Variants in RAI14 observed in about 807,000 individuals in gnomAD.
RAI14 encodes retinoic acid induced 14, also known as ankycorbin.
RAI14 carries 45 observed loss-of-function variants against 115.4 expected under a neutral mutation model. The observed-to-expected ratio is 0.39, with a 90% CI of 0.31 to 0.50. RAI14 has a LOEUF of 0.50. Among genes scored for constraint, RAI14 ranks in the 20% least tolerant of loss-of-function variants. RAI14 has a pLI of 0.85. For missense variants in RAI14, 939 were observed against 1,131.2 expected (o/e 0.83, Z 2.44); for synonymous variants, 371 against 415.4 (o/e 0.89, Z 1.30).
chr5:34,807,679 G>A lies in RAI14; in HGVS notation c.322-121G>A, dbSNP rs1580328163. The A allele has an allele frequency of 5.1e-6, 4 of 784,410 alleles. No individual in the cohort carries two copies. In the East Asian group the frequency reaches 1.0e-4, roughly 20 times the overall value. 48.6% of individuals were successfully genotyped at this position (784,410 alleles called of 1,614,324 possible). A position where few individuals can be genotyped will look rare whatever the true frequency, so the allele number is the denominator to read the frequency against. On this transcript the variant is annotated intron_variant, in intron 5 of 17. Coordinates refer to ENST00000265109, the MANE Select transcript of RAI14 (RefSeq NM_015577.3). ...TAGGCCCCTGGAACACAGCAGCTGGGGCTTATTTATGTTAATAGTCTTCCT... is the reference window on the plus strand; with the variant it reads ...TAGGCCCCTGGAACACAGCAGCTGGAGCTTATTTATGTTAATAGTCTTCCT...
chr5:34,711,339 G>A lies in RAI14; in HGVS notation c.36+24384G>A, dbSNP rs965184916. Among the ~76,000 whole-genome samples the A allele has an allele frequency of 2.0e-5, 3 of 151,582 alleles. No homozygotes were observed. The East Asian group carries it at 5.8e-4, about 29-fold the overall frequency. ...TGGATCTCACAAAGTACATTCTCAA[G>A]GGTGGGGAGAATTACAGAGAACCTT... On this transcript the variant is annotated intron_variant, in intron 2 of 17. Transcript: ENST00000265109.
intron 2 of RAI14, chr5:34,728,532 A>G (rs1013144796): frequency 1.3e-5 from 2 of 151,902 alleles, no homozygotes; most frequent in African/African-American, 4.8e-5. Context: ...GTCACACAAG[A>G]TCTCATGGTT....
chr5:34,688,233 A>G (rs540891144), intron 2 of RAI14: 1 of 1,551,202 alleles, frequency 6.4e-7, no homozygotes, highest in Non-Finnish European at 8.7e-7. Context: ...CGTGGCTTTC[A>G]GCTAAGGAGA....
intron 3 of RAI14, among the ~76,000 whole-genome samples, chr5:34,787,430 C>T (rs1752429364): frequency 6.6e-6 from 1 of 152,188 alleles, no homozygotes; most frequent in South Asian, 2.1e-4. Context: ...AGTACTAATG[C>T]ATACTGCAAC....
intron 1 of RAI14, among the ~76,000 whole-genome samples, chr5:34,672,775 C>T (rs1743707102): frequency 2.0e-5 from 3 of 152,246 alleles, no homozygotes; most frequent in African/African-American, 7.2e-5. Context: ...CAAGGATTAA[C>T]TGCTATTCAT....
intron 3 of RAI14, among the ~76,000 whole-genome samples, chr5:34,773,737 T>C (rs1750483762): frequency 6.6e-6 from 1 of 152,080 alleles, no homozygotes; most frequent in African/African-American, 2.4e-5. Context: ...ATGACTATTA[T>C]TACAAAGGAA....
chr5:34,790,637 G>T (rs1752806943), intron 3 of RAI14, among the ~76,000 whole-genome samples: 1 of 151,664 alleles, frequency 6.6e-6, no homozygotes, highest in Non-Finnish European at 1.5e-5. Flanking sequence ...TTTCTAGATA[G>T]TTATTCTTTC....
intron 1 of RAI14, among the ~76,000 whole-genome samples, chr5:34,665,017 A>G (rs1169552827): frequency 4.2e-4 from 17 of 40,526 alleles, no homozygotes; most frequent in Admixed American, 9.3e-4. Flanking sequence ...ATATATATAT[A>G]TGTGTATATA....
At chr5:34,688,344 T>G in intron 2 of RAI14, 2 of 1,246,006 alleles carry the variant, frequency 1.6e-6, no homozygotes, top group Non-Finnish European at 1.1e-6. Context: ...CAAGGGAATC[T>G]AGGTAGCTTT....
chr5:34,688,089 G>A lies in RAI14; in HGVS notation c.36+1134G>A, dbSNP rs542732262. Reference sequence around the variant, plus strand: ...TTAGGTAAATTAAATAAAACTCATAGAGTGCAAAGAGACTTCGACAAAGAC... The same window carrying A: ...TTAGGTAAATTAAATAAAACTCATAAAGTGCAAAGAGACTTCGACAAAGAC... On this transcript the variant is annotated intron_variant, in intron 2 of 17. Transcript: ENST00000265109. 1.2e-4 allele frequency: 170 copies of A among 1,452,650 alleles called. No homozygotes were observed. The African/African-American group carries it at 2.4e-3, about 20-fold the overall frequency. The allele number at this position is 1,452,650 out of a possible 1,614,324, so 90.0% of individuals were successfully genotyped here.
At chr5:34,776,140 G>A (rs1750808125) in intron 3 of RAI14, among the ~76,000 whole-genome samples, 1 of 152,172 alleles carries the variant, frequency 6.6e-6, no homozygotes, top group South Asian at 2.1e-4. Context: ...GGAACTGGAG[G>A]TCATTATGTT....
intron 1 of RAI14, among the ~76,000 whole-genome samples, chr5:34,670,192 A>T (rs1277991811): frequency 1.3e-5 from 2 of 152,144 alleles, no homozygotes; most frequent in East Asian, 3.9e-4. Context: ...AGGCAACTGA[A>T]TTTTTTCTAT....
chr5:34,817,310 A>C (rs1051776057), intron 12 of RAI14, among the ~76,000 whole-genome samples: 1 of 151,178 alleles, frequency 6.6e-6, no homozygotes, highest in Non-Finnish European at 1.5e-5. Context: ...TATCTATTTA[A>C]AATGGCTAAA....
rs141785286 is a variant in RAI14 at position 34,742,607 on chromosome 5, GCCTTGAGC to G, written c.37-14860_37-14853del. Among the ~76,000 whole-genome samples the G allele has an allele frequency of 3.0e-3, 459 of 152,248 alleles. 3 individuals carry two copies. Among genetic ancestry groups the G allele is most frequent in the African/African-American group, 0.011 (439 of 41,532 alleles). ...TTAAAAACATTTGACGTGTGCAGCA[GCCTTGAGC>G]TAAGTGCCATACACTACTGCAGTTT... On this transcript the variant is annotated intron_variant, in intron 2 of 17. Transcript: ENST00000265109.
chr5:34,757,252 C>A, intron 2 of RAI14: 1 of 610,126 alleles, frequency 1.6e-6, no homozygotes, highest in Non-Finnish European at 3.1e-6. Flanking sequence ...GGTGACTAGC[C>A]GTGATTTCAT....
Position 34,823,998 on chromosome 5 carries a change from T to C in RAI14, c.2156T>C (p.Leu719Pro), listed in dbSNP as rs1428871742. Residue 719 changes from leucine to proline, a missense_variant, in exon 15 of 18, where the codon CTG becomes CCG. Leu to Pro is a moderately conservative substitution (Grantham distance 98). Coordinates refer to ENST00000265109, the MANE Select transcript of RAI14 (RefSeq NM_015577.3). The surrounding 1 kb of genome is among the most constrained non-coding windows in gnomAD (Gnocchi z 4.5). ...AATGAGTTGACCCAGCTCAAACAACTGGTGGATGCACAAAAAGAGAACTCT... is the reference window on the plus strand; with the variant it reads ...AATGAGTTGACCCAGCTCAAACAACCGGTGGATGCACAAAAAGAGAACTCT... ...VLNELTQLKQ[L>P]VDAQKENSVS... 1 of 1,614,026 alleles carries C rather than the reference T, an allele frequency of 6.2e-7. No homozygotes were observed.
chr5:34,755,552 A>T (rs879370063), intron 2 of RAI14, among the ~76,000 whole-genome samples: 1 of 152,198 alleles, frequency 6.6e-6, no homozygotes, highest in Non-Finnish European at 1.5e-5. Flanking sequence ...TGGTGGGGGT[A>T]GGAGGACTGT....
chr5:34,719,067 C>T (rs1215778113), intron 2 of RAI14, among the ~76,000 whole-genome samples: 1 of 152,216 alleles, frequency 6.6e-6, no homozygotes, highest in African/African-American at 2.4e-5. Context: ...TTATTACACT[C>T]ACCAATTCTC....
At chr5:34,711,465 G>C (rs1280023319) in intron 2 of RAI14, among the ~76,000 whole-genome samples, 1 of 152,204 alleles carries the variant, frequency 6.6e-6, no homozygotes, top group African/African-American at 2.4e-5. Flanking sequence ...CACAATGGTG[G>C]AATGTCATCA....
Sources: allele counts gnomAD v4.1 joint callset (sites outside exome capture counted in the v4.1 genomes callset), GRCh38; gene constraint gnomAD v4.1.1; non-coding constraint Gnocchi (gnomAD v3.1); transcripts MANE v1.5; gene names NCBI Gene and HGNC (gene_info 2026-07-23, HGNC 2026-07-21).